Variants in MPP7 observed in about 807,000 individuals in gnomAD.
The protein encoded by MPP7 is MAGUK p55 subfamily member 7.
Under a neutral mutation model 76.5 loss-of-function variants are expected in MPP7, and 60 were observed. The observed-to-expected ratio is 0.78, with a 90% CI of 0.64 to 0.97. MPP7 has a LOEUF of 0.97. Ranked by LOEUF, MPP7 falls within the 50% of genes least tolerant of loss-of-function variation. The probability of loss-of-function intolerance (pLI) is 0.00; values close to 1 mark genes in which losing one functional copy is unlikely to be tolerated. For missense variants in MPP7, 641 were observed against 694.0 expected (o/e 0.92, Z 0.86); for synonymous variants, 237 against 244.5 (o/e 0.97, Z 0.29).
At chr10:28,156,048 A>G (rs537333112) in intron 3 of MPP7, among the ~76,000 whole-genome samples, 1 of 152,366 alleles carries the variant, frequency 6.6e-6, no homozygotes, top group East Asian at 1.9e-4. Flanking sequence ...AGCACTAAAA[A>G]AAATGAAGAA....
At chr10:28,285,005 T>G (rs1840760855) in intron 1 of MPP7, among the ~76,000 whole-genome samples, 1 of 152,192 alleles carries the variant, frequency 6.6e-6, no homozygotes, top group African/African-American at 2.4e-5. Flanking sequence ...ATAGTTTCCT[T>G]TAGATTTGCT....
At chr10:28,092,926 T>C (rs73606054) in intron 11 of MPP7, among the ~76,000 whole-genome samples, 2,604 of 151,868 alleles carry the variant, frequency 0.017, 72 homozygotes, top group African/African-American at 0.058. Flanking sequence ...GTAGCCAAGG[T>C]CTTTACAACT....
At chr10:28,262,419 T>C (rs564885189) in intron 1 of MPP7, among the ~76,000 whole-genome samples, 7 of 151,180 alleles carry the variant, frequency 4.6e-5, no homozygotes, top group African/African-American at 1.7e-4. Context: ...TTGACTGAAC[T>C]AGTAATTTAT....
intron 1 of MPP7, among the ~76,000 whole-genome samples, chr10:28,239,155 T>A (rs997651534): frequency 4.2e-5 from 6 of 141,268 alleles, no homozygotes; most frequent in Non-Finnish European, 9.1e-5. Flanking sequence ...ATTTTTATTT[T>A]TTTTTTTGAT....
intron 13 of MPP7, among the ~76,000 whole-genome samples, chr10:28,065,542 T>C (rs1440661507): frequency 6.6e-6 from 1 of 152,246 alleles, no homozygotes; most frequent in South Asian, 2.1e-4. Context: ...GATGTGCATA[T>C]TACCCACAAG....
intron 14 of MPP7, among the ~76,000 whole-genome samples, chr10:28,059,084 A>T (rs1344245721): frequency 6.6e-6 from 1 of 152,218 alleles, no homozygotes; most frequent in East Asian, 1.9e-4. Flanking sequence ...CGATGTTTTA[A>T]TAAAATCCCA....
intron 3 of MPP7, among the ~76,000 whole-genome samples, chr10:28,173,590 T>C (rs1216337036): frequency 6.6e-6 from 1 of 152,218 alleles, no homozygotes; most frequent in East Asian, 1.9e-4. Flanking sequence ...ATGCTTCTTG[T>C]ACAGTCTGCA....
chr10:28,291,803 C>T (rs1349598572), intron 1 of MPP7, among the ~76,000 whole-genome samples: 1 of 152,110 alleles, frequency 6.6e-6, no homozygotes, highest in Non-Finnish European at 1.5e-5. Flanking sequence ...AAGTTAAAAA[C>T]CATTTATAAG....
Position 28,187,176 on chromosome 10 carries a change from G to A in MPP7, c.156+14977C>T, listed in dbSNP as rs549384358. Among the ~76,000 whole-genome samples, 7 of 152,188 alleles carry A rather than the reference G, an allele frequency of 4.6e-5. No individual in the cohort carries two copies. The South Asian group carries it at 6.2e-4, about 14-fold the overall frequency. ...GTTACATTACATAAATGTAGACCAC[G>A]CGGGAGGGCACAGTCGCACTAAATA... On this transcript the variant is annotated intron_variant, in intron 3 of 16. Coordinates refer to ENST00000683449, the MANE Select transcript of MPP7 (RefSeq NM_001318170.2).
chr10:28,056,633 A>G lies in MPP7; in HGVS notation c.1408-10T>C, dbSNP rs773643667. 13 of 1,537,886 alleles carry G rather than the reference A, an allele frequency of 8.5e-6. No individual in the cohort carries two copies. The highest frequency in any genetic ancestry group is 1.1e-5 in the Non-Finnish European group (13 of 1,153,812). ...TTAAATGCTTCACTGTCTACAAGGA[A>G]GAAAAGAAAGTTTTCTCACATTTCT... On this transcript the variant is annotated splice_polypyrimidine_tract_variant and intron_variant, in intron 15 of 16. Coordinates refer to ENST00000683449, the MANE Select transcript of MPP7 (RefSeq NM_001318170.2).
chr10:28,146,831 T>C (rs1000172572), intron 5 of MPP7, among the ~76,000 whole-genome samples: 4 of 152,162 alleles, frequency 2.6e-5, no homozygotes, highest in African/African-American at 2.4e-5. Flanking sequence ...GTCCAAAATG[T>C]ATACAGTGCA....
intron 2 of MPP7, among the ~76,000 whole-genome samples, chr10:28,316,435 TAAAAAAAAAAAAAAA>T (rs549621404): frequency 2.2e-3 from 83 of 37,148 alleles, no homozygotes; most frequent in African/African-American, 4.9e-3. Flanking sequence ...ACTCTGTCTT[TAAAAAAAAAAAAAAA>T]AAAAAAAAAA....
Position 28,213,918 on chromosome 10 carries a change from T to C in MPP7, c.38-11647A>G, listed in dbSNP as rs943186833. Among the ~76,000 whole-genome samples, 5 of 151,892 alleles carry C rather than the reference T, an allele frequency of 3.3e-5. No homozygotes were observed. The South Asian group carries it at 1.0e-3, about 32-fold the overall frequency. Reference sequence around the variant, plus strand: ...GTATACATTGTTGGCAATATGAAAATTGAAAGCTTGCATTCTCTTTGATCT... The same window carrying C: ...GTATACATTGTTGGCAATATGAAAACTGAAAGCTTGCATTCTCTTTGATCT... On this transcript the variant is annotated intron_variant, in intron 2 of 16. Transcript: ENST00000683449.
chr10:28,065,285 C>T (rs1230532579), intron 13 of MPP7, among the ~76,000 whole-genome samples: 1 of 152,206 alleles, frequency 6.6e-6, no homozygotes, highest in African/African-American at 2.4e-5. Context: ...TTTAGAACCA[C>T]ATCAAGGGGT....
chr10:28,219,328 A>G (rs952138536), intron 2 of MPP7, among the ~76,000 whole-genome samples: 36 of 152,196 alleles, frequency 2.4e-4, no homozygotes, highest in African/African-American at 7.2e-5. Flanking sequence ...TATTCTGTAC[A>G]AGACAGTAGT....
In MPP7 at chr10:28,310,756, G is replaced by A. The variant is rs1300932715; in HGVS notation, c.-132+19173C>T. On this transcript the variant is annotated intron_variant, in intron 2 of 11. Coordinates refer to the MPP7 transcript ENST00000441595. The stretch of plus-strand genomic sequence containing the variant: ...AGTGATCCTGTTGGTGATGGTAGAG[G>A]ACCCTCAGGTATTTTTGGGAAAAAG... Among the ~76,000 whole-genome samples, 4 of 152,110 alleles carry A rather than the reference G, an allele frequency of 2.6e-5. No homozygotes were observed. The East Asian group carries it at 7.7e-4, about 29-fold the overall frequency.
intron 1 of MPP7, among the ~76,000 whole-genome samples, chr10:28,262,239 A>ATG (rs1564741520): frequency 9.1e-5 from 7 of 76,784 alleles, no homozygotes; most frequent in Non-Finnish European, 1.5e-4. Flanking sequence ...ATATATATAT[A>ATG]TATACATATA....
At chr10:28,115,292 A>G (rs771708326) in intron 11 of MPP7, among the ~76,000 whole-genome samples, 34 of 151,936 alleles carry the variant, frequency 2.2e-4, no homozygotes, top group Non-Finnish European at 3.2e-4. Context: ...TTTAGTAGAG[A>G]CGGGGTTTCA....
chr10:28,121,266 C>CTT (rs11327373), intron 8 of MPP7, among the ~76,000 whole-genome samples: 9 of 136,728 alleles, frequency 6.6e-5, no homozygotes, highest in Admixed American at 3.7e-4. Context: ...GAGCAAGAAG[C>CTT]TTTTTTTTTT....
Sources: gnomAD v4.1 joint callset for allele counts (sites outside exome capture counted in the v4.1 genomes callset) on GRCh38, gnomAD v4.1.1 for gene constraint, MANE v1.5 for transcripts, NCBI Gene and HGNC (gene_info 2026-07-23, HGNC 2026-07-21) for gene names.